Variants in CABLES1 observed in about 807,000 individuals in gnomAD.
CABLES1 encodes Cdk5 and Abl enzyme substrate 1.
CABLES1 carries 36 observed loss-of-function variants against 57.8 expected under a neutral mutation model. The ratio of observed to expected loss-of-function variants is 0.62; its 90% confidence interval spans 0.48 to 0.82. CABLES1 has a LOEUF of 0.82. Among genes scored for constraint, CABLES1 ranks in the 40% least tolerant of loss-of-function variants. The pLI, the probability that CABLES1 is intolerant of heterozygous loss-of-function variation, is 0.00. For missense variants in CABLES1, 767 were observed against 836.6 expected, an observed-to-expected ratio of 0.92 and a Z score of 1.03; for synonymous variants, 374 against 363.0, an observed-to-expected ratio of 1.03 and a Z score of -0.35.
At chr18:23,228,746 T>TA (rs572362933) in intron 4 of CABLES1, among the ~76,000 whole-genome samples, 2,094 of 125,690 alleles carry the variant, frequency 0.017, 62 homozygotes, top group African/African-American at 0.054. Flanking sequence ...AGCCTTTGTT[T>TA]AAAAAAAAAA....
In CABLES1 at chr18:23,161,754, C is replaced by CAAAAA. The variant is rs1184010487; in HGVS notation, c.845+25164_845+25168dup. Reference sequence around the variant, plus strand: ...TGAAACCCCGTCTCTACTAAAAATCCAAAAAAAAAAAAAAAAAAAAAGCCA... The same window carrying CAAAAA: ...TGAAACCCCGTCTCTACTAAAAATCCAAAAAAAAAAAAAAAAAAAAAAAAAAGCCA... On this transcript the variant is annotated intron_variant, in intron 1 of 9. Transcript: ENST00000256925. 1.2e-3 allele frequency among the ~76,000 whole-genome samples: 41 copies of CAAAAA among 33,148 alleles called. 6 individuals carry two copies. The highest frequency in any genetic ancestry group is 2.1e-3 in the African/African-American group (28 of 13,316). The allele number at this position is 33,148 out of a possible 152,430, so 21.7% of individuals were successfully genotyped here. A position where few individuals can be genotyped will look rare whatever the true frequency, so the allele number is the denominator to read the frequency against.
chr18:23,153,883 T>C (rs140522421), intron 1 of CABLES1, among the ~76,000 whole-genome samples: 1 of 151,970 alleles, frequency 6.6e-6, no homozygotes, highest in African/African-American at 2.4e-5. Flanking sequence ...ATATAAAAAT[T>C]AGCTGAGTGT....
intron 3 of CABLES1, among the ~76,000 whole-genome samples, chr18:23,205,445 C>T (rs780779151): frequency 5.9e-5 from 9 of 152,102 alleles, no homozygotes; most frequent in Non-Finnish European, 1.0e-4. Context: ...CTGCCCACCT[C>T]GGCCTCCCAA....
At chr18:23,201,041 C>G (rs184035459) in intron 3 of CABLES1, among the ~76,000 whole-genome samples, 67 of 152,190 alleles carry the variant, frequency 4.4e-4, no homozygotes, top group African/African-American at 1.4e-3. Context: ...AAGCTAAAAG[C>G]AGGGAGAGCA....
Sources: gnomAD v4.1 joint callset for allele counts (sites outside exome capture counted in the v4.1 genomes callset) on GRCh38, gnomAD v4.1.1 for gene constraint, MANE v1.5 for transcripts, NCBI Gene and HGNC (gene_info 2026-07-23, HGNC 2026-07-21) for gene names.